Variants in FRMD4B observed in about 807,000 individuals in gnomAD.
FRMD4B encodes the protein FERM domain containing 4B.
A neutral mutation model predicts 141.5 loss-of-function variants in FRMD4B; 74 were observed. The observed-to-expected ratio is 0.52, with a 90% CI of 0.43 to 0.63. FRMD4B has a LOEUF of 0.63. Among genes scored for constraint, FRMD4B ranks in the 30% least tolerant of loss-of-function variants. FRMD4B has a pLI of 0.00. For missense variants in FRMD4B, 1,366 were observed against 1,253.4 expected (o/e 1.09, Z -1.36); for synonymous variants, 506 against 467.9 (o/e 1.08, Z -1.05).
intron 1 of FRMD4B, among the ~76,000 whole-genome samples, chr3:69,522,611 A>T (rs1700869596): frequency 6.6e-6 from 1 of 152,144 alleles, no homozygotes; most frequent in African/African-American, 2.4e-5. Context: ...ATTATTTGTC[A>T]TCTGAAACTG....
At chr3:69,185,759 C>T (rs1189304077) in intron 19 of FRMD4B, among the ~76,000 whole-genome samples, 2 of 152,000 alleles carry the variant, frequency 1.3e-5, no homozygotes, top group South Asian at 2.1e-4. Context: ...TACTCAATAG[C>T]GGCCAGTTGT....
chr3:69,378,911 A>G (rs1049687008), intron 1 of FRMD4B, among the ~76,000 whole-genome samples: 1 of 152,082 alleles, frequency 6.6e-6, no homozygotes, highest in Non-Finnish European at 1.5e-5. Context: ...AAAGAAAGGC[A>G]TAAGAGTCAC....
chr3:69,187,897 G>A lies in FRMD4B; in HGVS notation c.1792C>T (p.Pro598Ser), dbSNP rs766437111. 1.2e-5 allele frequency: 19 copies of A among 1,588,676 alleles called. No individual in the cohort carries two copies. In the East Asian group the frequency reaches 3.4e-4, roughly 28 times the overall value. ...GGTACTGAACTTGATCGCTGCCCAG[G>A]AAAAGTGAAGGCATCACTGGCTATA... ...YDDPSDAFTFPGQRSSSVPHS... is the reference protein window; with the variant it reads ...YDDPSDAFTFSGQRSSSVPHS... Residue 598 changes from proline to serine, a missense_variant, in exon 19 of 23, where the codon CCT becomes TCT. By Grantham distance (74) the Pro-to-Ser change is moderately conservative. Coordinates refer to ENST00000398540, the MANE Select transcript of FRMD4B (RefSeq NM_015123.3).
intron 7 of FRMD4B, among the ~76,000 whole-genome samples, chr3:69,231,294 T>C (rs903453519): frequency 1.3e-5 from 2 of 152,106 alleles, no homozygotes; most frequent in African/African-American, 4.8e-5. Flanking sequence ...TGCATCCTTT[T>C]TTTCTCCTTA....
At chr3:69,467,827 G>A (rs1291958336) in intron 1 of FRMD4B, among the ~76,000 whole-genome samples, 2 of 152,132 alleles carry the variant, frequency 1.3e-5, no homozygotes, top group Non-Finnish European at 2.9e-5. Flanking sequence ...TCCTAGCAGG[G>A]GACCTTCTGC....
At chr3:69,525,755 T>C (rs1308528446) in intron 1 of FRMD4B, among the ~76,000 whole-genome samples, 9 of 151,984 alleles carry the variant, frequency 5.9e-5, no homozygotes, top group African/African-American at 2.2e-4. Flanking sequence ...TGGGCTCTGG[T>C]GATCCTCCCA....
At chr3:69,502,263 A>G (rs1056225047) in intron 1 of FRMD4B, among the ~76,000 whole-genome samples, 3 of 152,146 alleles carry the variant, frequency 2.0e-5, no homozygotes, top group East Asian at 1.9e-4. Context: ...GAGGCATCAC[A>G]CTACCTGACT....
intron 1 of FRMD4B, chr3:69,536,163 G>T (rs1275179490): frequency 5.7e-6 from 3 of 530,830 alleles, no homozygotes; most frequent in Non-Finnish European, 1.1e-5. Context: ...ACCTCTGCTG[G>T]CCTCTTCGCT....
chr3:69,496,636 A>AC (rs1706399214), intron 1 of FRMD4B, among the ~76,000 whole-genome samples: 7 of 118,258 alleles, frequency 5.9e-5, no homozygotes, highest in South Asian at 2.8e-4. Context: ...AGAGAGAGAG[A>AC]AAGAGAGAGA....
chr3:69,186,280 CT>C (rs2092766870), intron 19 of FRMD4B, among the ~76,000 whole-genome samples: 1 of 109,022 alleles, frequency 9.2e-6, no homozygotes, highest in Non-Finnish European at 1.7e-5. Flanking sequence ...GCATCTTGCT[CT>C]GTTGCCCAGG....
intron 9 of FRMD4B, among the ~76,000 whole-genome samples, chr3:69,219,201 G>A (rs1348377982): frequency 6.7e-6 from 1 of 148,678 alleles, no homozygotes; most frequent in African/African-American, 2.5e-5. Context: ...AAAAATTAAA[G>A]CAACGATGCC....
chr3:69,305,550 T>C (rs1370993590), intron 3 of FRMD4B, among the ~76,000 whole-genome samples: 2 of 152,202 alleles, frequency 1.3e-5, no homozygotes. Context: ...ACATATTTGA[T>C]AGTATCAGAT....
chr3:69,280,493 T>G (rs1035747729), intron 5 of FRMD4B, among the ~76,000 whole-genome samples: 1 of 152,160 alleles, frequency 6.6e-6, no homozygotes, highest in African/African-American at 2.4e-5. Flanking sequence ...ATCTGGCCCC[T>G]AATGTACAGA....
rs188437621 is a variant in FRMD4B at position 69,527,722 on chromosome 3, G to A, written c.-129+14484C>T. On this transcript the variant is annotated intron_variant, in intron 1 of 5. Coordinates refer to the FRMD4B transcript ENST00000459638. Reference sequence around the variant, plus strand: ...CAGTGACCAACCTGTCCTGGTTTTAGTACTAAAAGTCCCTTGTCCCAGAAA... The same window carrying A: ...CAGTGACCAACCTGTCCTGGTTTTAATACTAAAAGTCCCTTGTCCCAGAAA... 1.1e-3 allele frequency among the ~76,000 whole-genome samples: 172 copies of A among 152,326 alleles called. 2 individuals are homozygous for A. The highest frequency in any genetic ancestry group is 5.4e-3 in the South Asian group (26 of 4,826).
At chr3:69,491,443 C>A (rs1370842334) in intron 1 of FRMD4B, among the ~76,000 whole-genome samples, 2 of 152,160 alleles carry the variant, frequency 1.3e-5, no homozygotes, top group African/African-American at 4.8e-5. Flanking sequence ...CATTTCCTCA[C>A]CTAATCTTCT....
chr3:69,222,467 CAA>C lies in FRMD4B; in HGVS notation c.666-546_666-545del, dbSNP rs11293743. ...AGGTGACAAGAGTGAAAATCCATCTCAAAAAAAAAAAAAAAAAAAAGACTTAA... is the reference window on the plus strand; with the variant it reads ...AGGTGACAAGAGTGAAAATCCATCTCAAAAAAAAAAAAAAAAAAGACTTAA... On this transcript the variant is annotated intron_variant, in intron 8 of 22. Transcript: ENST00000398540. Among the ~76,000 whole-genome samples the C allele has an allele frequency of 1.3e-3, 127 of 94,984 alleles. 1 individual carries two copies. Among genetic ancestry groups the C allele is most frequent in the South Asian group, 8.9e-3 (20 of 2,254 alleles). The allele number at this position is 94,984 out of a possible 152,430, so 62.3% of individuals were successfully genotyped here.
Position 69,481,889 on chromosome 3 carries a change from C to A in FRMD4B, c.-128-49128G>T, listed in dbSNP as rs138121526. On this transcript the variant is annotated intron_variant, in intron 1 of 5. Coordinates refer to the FRMD4B transcript ENST00000459638. ...AAACAGTGGCTCCTACAGCAACCAG[C>A]GAAATAAGGTTTAACAGAGCCATTC... Among the ~76,000 whole-genome samples the A allele has an allele frequency of 2.7e-3, 404 of 152,164 alleles. 4 individuals are homozygous for A. Among genetic ancestry groups the A allele is most frequent in the African/African-American group, 9.4e-3 (391 of 41,486 alleles).
intron 1 of FRMD4B, among the ~76,000 whole-genome samples, chr3:69,539,796 C>A (rs1701137376): frequency 6.6e-6 from 1 of 152,114 alleles, no homozygotes; most frequent in African/African-American, 2.4e-5. Flanking sequence ...TTTTCTCAAC[C>A]TTTTAGGAAA....
intron 1 of FRMD4B, among the ~76,000 whole-genome samples, chr3:69,371,292 G>A (rs1186671831): frequency 1.3e-5 from 2 of 152,306 alleles, no homozygotes; most frequent in Non-Finnish European, 1.5e-5. Flanking sequence ...CTGGAGAAGC[G>A]TTAAAGAGGG....
Sources: gnomAD v4.1 joint callset for allele counts (sites outside exome capture counted in the v4.1 genomes callset) on GRCh38, gnomAD v4.1.1 for gene constraint, MANE v1.5 for transcripts, NCBI Gene and HGNC (gene_info 2026-07-23, HGNC 2026-07-21) for gene names.